WDR64: variants seen among roughly 807,000 people sequenced by gnomAD.
WDR64 encodes WD repeat-containing protein 64.
WDR64 carries 112 observed loss-of-function variants against 139.3 expected under a neutral mutation model. That is an observed-to-expected ratio of 0.80 (90% CI 0.69 to 0.94). The LOEUF (loss-of-function observed/expected upper bound fraction) is 0.94. Among genes scored for constraint, WDR64 ranks in the 40% least tolerant of loss-of-function variants. The pLI is 0.00. For missense variants in WDR64, 1,206 were observed against 1,293.1 expected (o/e 0.93, Z 1.03); for synonymous variants, 444 against 437.7 (o/e 1.01, Z -0.18).
intron 14 of WDR64, among the ~76,000 whole-genome samples, chr1:241,755,645 C>T (rs1467095570): frequency 6.6e-6 from 1 of 152,116 alleles, no homozygotes; most frequent in Non-Finnish European, 1.5e-5. Context: ...ATGCCTATGT[C>T]CTGAATGGTA....
At position 241,674,751 on chromosome 1, in the gene WDR64, A is replaced by ATT; in HGVS notation, c.483+6_483+7dup. Reference sequence around the variant, plus strand: ...AATAACAGTTTTTAATAACCAGGTAATTTCTTTTTCTTTTTTTAACTGAAT... The same window carrying ATT: ...AATAACAGTTTTTAATAACCAGGTAATTTTTCTTTTTCTTTTTTTAACTGAAT... On this transcript the variant is annotated splice_donor_region_variant and intron_variant, in intron 4 of 27. Transcript: ENST00000437684. 6.7e-7 allele frequency: 1 copy of ATT among 1,491,684 alleles called. No homozygotes were observed. The highest frequency in any genetic ancestry group is 9.1e-7 in the Non-Finnish European group (1 of 1,097,850). 92.4% of individuals were successfully genotyped at this position (1,491,684 alleles called of 1,614,324 possible).
At chr1:241,711,639 T>G (rs1668172564) in intron 8 of WDR64, among the ~76,000 whole-genome samples, 163 bp from the exon 9 acceptor site, 1 of 152,216 alleles carries the variant, frequency 6.6e-6, no homozygotes, top group African/African-American at 2.4e-5. Context: ...AAGTAGATTC[T>G]TACTGTTAAT....
At chr1:241,718,955 C>T (rs1574038945) in intron 9 of WDR64, among the ~76,000 whole-genome samples, 2 of 152,192 alleles carry the variant, frequency 1.3e-5, no homozygotes, top group Middle Eastern at 3.4e-3. Flanking sequence ...CTCCCAAAGG[C>T]CCCCCATTTC....
chr1:241,776,675 ATCAG>A (rs1188492502), intron 21 of WDR64, among the ~76,000 whole-genome samples: 2 of 152,192 alleles, frequency 1.3e-5, no homozygotes, highest in African/African-American at 4.8e-5. Context: ...GAAAGTTAAG[ATCAG>A]TCAAATTTTG....
intron 2 of WDR64, among the ~76,000 whole-genome samples, chr1:241,664,819 T>C (rs1245094355): frequency 1.3e-5 from 2 of 152,254 alleles, no homozygotes; most frequent in Non-Finnish European, 2.9e-5. Flanking sequence ...AAAAGGTTAA[T>C]TGACTTATCT....
Position 241,775,136 on chromosome 1 carries a change from C to A in WDR64, c.2462C>A (p.Thr821Lys), listed in dbSNP as rs1025782551. ...CTACTGAAAGATATGCTACCTTTCA[C>A]AAAACATTCTGCCATTTCTCTGACA... ...GRLLKDMLPF[T>K]KHSAISLTSL... is the part of the protein sequence containing the mutation. The change falls in exon 21 of 28, where the codon ACA (threonine) becomes AAA (lysine). Residue 821 changes from threonine to lysine, a missense_variant. Coordinates refer to ENST00000437684, the MANE Select transcript of WDR64 (RefSeq NM_001367482.1). 6 of 1,550,988 alleles carry A rather than the reference C, an allele frequency of 3.9e-6. No homozygotes were observed. The highest frequency in any genetic ancestry group is 3.9e-5 in the Admixed American group (2 of 50,974).
At chr1:241,710,200 C>T (rs1043758750) in intron 8 of WDR64, among the ~76,000 whole-genome samples, 2 of 152,066 alleles carry the variant, frequency 1.3e-5, no homozygotes, top group Non-Finnish European at 2.9e-5. Flanking sequence ...CTTGTCTAGG[C>T]TTCTTCTGGG....
chr1:241,767,602 G>T (rs1658234163), intron 16 of WDR64, among the ~76,000 whole-genome samples: 1 of 152,124 alleles, frequency 6.6e-6, no homozygotes, highest in Non-Finnish European at 1.5e-5. Flanking sequence ...AGAGAAGGGA[G>T]AATTGGAAAG....
At chr1:241,761,100 A>G (rs1657867018) in intron 15 of WDR64, among the ~76,000 whole-genome samples, 2 of 152,282 alleles carry the variant, frequency 1.3e-5, no homozygotes, top group East Asian at 1.9e-4. Flanking sequence ...CTATTTCCCC[A>G]CAGCCTTGCC....
intron 21 of WDR64, among the ~76,000 whole-genome samples, chr1:241,777,553 G>A (rs1015475602): frequency 1.3e-5 from 2 of 150,102 alleles, no homozygotes; most frequent in African/African-American, 2.5e-5. Context: ...AAGTAGCTGG[G>A]ATTACAGGCA....
At chr1:241,779,676 A>C (rs2148313842) in intron 21 of WDR64, among the ~76,000 whole-genome samples, 1 of 152,152 alleles carries the variant, frequency 6.6e-6, no homozygotes, top group East Asian at 1.9e-4. Context: ...AAATACAAAA[A>C]AAAATTAGCC....
rs1295529523 is a variant in WDR64 at position 241,679,517 on chromosome 1, C to G, written c.546C>G (p.Leu182=). The G allele has an allele frequency of 1.3e-6, 2 of 1,551,722 alleles. No homozygotes were observed. Among genetic ancestry groups the G allele is most frequent in the Admixed American group, 3.9e-5 (2 of 50,982 alleles). Residue 182 remains leucine (L), a synonymous_variant, in exon 6 of 28, where the codon CTC becomes CTG. Transcript: ENST00000437684. ...CCTGGATTACAGGGTGTGATTACCT[C>G]TTGCAGCTGAAACGAATCGTAGCCA... ...DTSWITGCDY[L]LQLKRIVATT...
intron 9 of WDR64, among the ~76,000 whole-genome samples, chr1:241,722,039 G>GTA (rs1668631662): frequency 6.6e-6 from 1 of 152,032 alleles, no homozygotes; most frequent in Admixed American, 6.6e-5. Flanking sequence ...GTGTGTGTGT[G>GTA]TGTGTACATA....
chr1:241,732,029 G>A (rs897221291), intron 10 of WDR64, among the ~76,000 whole-genome samples: 5 of 152,000 alleles, frequency 3.3e-5, no homozygotes, highest in Admixed American at 3.3e-4. Context: ...TATATCTTCA[G>A]GCTCCTTAAG....
chr1:241,765,084 G>A (rs1658096497), intron 15 of WDR64, among the ~76,000 whole-genome samples: 1 of 152,070 alleles, frequency 6.6e-6, no homozygotes, highest in Non-Finnish European at 1.5e-5. Context: ...CTACTCCAGA[G>A]CCCAAGGTGG....
chr1:241,766,131 G>C, intron 15 of WDR64, 87 bp from the exon 16 acceptor site: 1 of 1,293,850 alleles, frequency 7.7e-7, no homozygotes, highest in Non-Finnish European at 1.0e-6. Flanking sequence ...GTTTTAAGTT[G>C]ATGACAATTA....
intron 11 of WDR64, 41 bp downstream of exon 11, chr1:241,738,530 G>C: frequency 6.4e-7 from 1 of 1,569,442 alleles, no homozygotes; most frequent in Non-Finnish European, 8.6e-7. Context: ...CTCATGTCTT[G>C]ATTTTTAACC....
chr1:241,718,481 C>T (rs1406269547), intron 9 of WDR64, among the ~76,000 whole-genome samples: 2 of 151,962 alleles, frequency 1.3e-5, no homozygotes, highest in Non-Finnish European at 2.9e-5. Context: ...ACTAAGGGCA[C>T]AAAGGTATCA....
In WDR64 at chr1:241,769,492, CCT is replaced by C. The variant is rs1376686626; in HGVS notation, c.2171_2172del (p.Pro724ArgfsTer18). On this transcript the variant is annotated frameshift_variant, in exon 17 of 28. Transcript: ENST00000437684. LOFTEE classifies it high-confidence loss of function. ...INDILFLFRT[P>X]ECARRSSQDS... is the part of the protein sequence containing the mutation. ...TGACATACTGTTCCTCTTTCGTACC[CCT>C]GAATGTGCAAGGTAACTCGTTACTT... 2.6e-6 allele frequency: 4 copies of C among 1,551,224 alleles called. No homozygotes were observed. Among genetic ancestry groups the C allele is most frequent in the African/African-American group, 2.7e-5 (2 of 73,136 alleles).
Sources: gnomAD v4.1 joint callset for allele counts (sites outside exome capture counted in the v4.1 genomes callset) on GRCh38, gnomAD v4.1.1 for gene constraint, MANE v1.5 for transcripts, NCBI Gene and HGNC (gene_info 2026-07-23, HGNC 2026-07-21) for gene names.